Variants in ST3GAL3 observed in about 807,000 individuals in gnomAD.
ST3GAL3 encodes ST3 beta-galactoside alpha-2,3-sialyltransferase 3, also known as CMP-N-acetylneuraminate-beta-1,4-galactoside alpha-2,3-sialyltransferase.
Under a neutral mutation model 50.1 loss-of-function variants are expected in ST3GAL3, and 21 were observed. The observed-to-expected ratio is 0.42, with a 90% CI of 0.30 to 0.60. ST3GAL3 has a LOEUF of 0.60. Among genes scored for constraint, ST3GAL3 ranks in the 20% least tolerant of loss-of-function variants. ST3GAL3 has a pLI of 0.19. For synonymous variants in ST3GAL3, 183 were observed against 190.0 expected (o/e 0.96, Z 0.30); for missense variants, 353 against 489.4 (o/e 0.72, Z 2.63).
At chr1:43,850,669 C>A in intron 5 of ST3GAL3, 1 of 725,000 alleles carries the variant, frequency 1.4e-6, no homozygotes, top group South Asian at 1.5e-5. Flanking sequence ...TGGAGATCCA[C>A]GAGGATCAAA....
At chr1:43,778,585 G>A (rs1402123470) in intron 2 of ST3GAL3, among the ~76,000 whole-genome samples, 1 of 150,476 alleles carries the variant, frequency 6.6e-6, no homozygotes, top group Non-Finnish European at 1.5e-5. Context: ...TGAGTATTTA[G>A]TAAGATATTC....
chr1:43,708,582 T>G (rs548211607), intron 1 of ST3GAL3, among the ~76,000 whole-genome samples: 9 of 152,222 alleles, frequency 5.9e-5, no homozygotes, highest in Non-Finnish European at 1.3e-4. Context: ...AGATGATCAC[T>G]GAAATGTTTG....
rs559374919 is a variant in ST3GAL3, at chr1:43,902,343, T to C, written c.744+2616T>C. Among the ~76,000 whole-genome samples the C allele has an allele frequency of 1.6e-3, 241 of 152,292 alleles. 1 individual carries two copies. Among genetic ancestry groups the C allele is most frequent in the Non-Finnish European group, 6.3e-4 (43 of 68,030 alleles). On this transcript the variant is annotated intron_variant, in intron 9 of 11. Transcript: ENST00000347631. ...GTCACAGCTGCTTCCTGCCACTTAC[T>C]ACATGAGGAGTCTTTTAAAGCCTGT...
intron 1 of ST3GAL3, among the ~76,000 whole-genome samples, chr1:43,733,589 T>A (rs770468533): frequency 1.3e-5 from 2 of 152,246 alleles, no homozygotes; most frequent in African/African-American, 2.4e-5. Flanking sequence ...TGCCAGTACC[T>A]ATCTACCTTA....
chr1:43,856,943 ATT>A (rs1209461054), intron 5 of ST3GAL3, among the ~76,000 whole-genome samples: 1 of 146,916 alleles, frequency 6.8e-6, no homozygotes, highest in African/African-American at 2.5e-5. Flanking sequence ...AAGTTGTGGG[ATT>A]TTTTTTTTTT....
intron 2 of ST3GAL3, among the ~76,000 whole-genome samples, chr1:43,779,421 C>T (rs1698603308): frequency 6.6e-6 from 1 of 152,194 alleles, no homozygotes; most frequent in Non-Finnish European, 1.5e-5. Context: ...GTTTACAGGG[C>T]TTGTTCCCAA....
intron 2 of ST3GAL3, chr1:43,738,494 T>A: frequency 6.6e-6 from 1 of 151,036 alleles, no homozygotes; most frequent in Non-Finnish European, 1.5e-5. Context: ...TCCTCTTTGT[T>A]TTTTTTTTGT....
chr1:43,760,689 G>A (rs1216421874), intron 2 of ST3GAL3, among the ~76,000 whole-genome samples: 1 of 152,110 alleles, frequency 6.6e-6, no homozygotes, highest in African/African-American at 2.4e-5. Flanking sequence ...TCGGGAGGTG[G>A]AGGTTGCAGT....
At position 43,816,030 on chromosome 1, in the gene ST3GAL3, A is replaced by G. The variant is rs115108675; in HGVS notation, c.209+1097A>G. Among the ~76,000 whole-genome samples, 528 of 152,228 alleles carry G rather than the reference A, an allele frequency of 3.5e-3. 5 individuals are homozygous for G. The highest frequency in any genetic ancestry group is 0.012 in the African/African-American group (511 of 41,532). Reference sequence around the variant, plus strand: ...TTCATGTCCCTGCAAGCCTGCTCACATGGCCGATGCTCAATAAATCCTTGC... The same window carrying G: ...TTCATGTCCCTGCAAGCCTGCTCACGTGGCCGATGCTCAATAAATCCTTGC... On this transcript the variant is annotated intron_variant, in intron 4 of 11. Transcript: ENST00000347631.
chr1:43,828,754 G>A (rs1458558426), intron 4 of ST3GAL3, among the ~76,000 whole-genome samples: 1 of 152,138 alleles, frequency 6.6e-6, no homozygotes, highest in African/African-American at 2.4e-5. Context: ...AAACCTGACA[G>A]TCTCAAATGC....
At chr1:43,873,791 AAAATAAATAAAT>A (rs754298933) in intron 5 of ST3GAL3, among the ~76,000 whole-genome samples, 1 of 151,986 alleles carries the variant, frequency 6.6e-6, no homozygotes, top group Admixed American at 6.6e-5. Context: ...ATTCTGTCTC[AAAATAAATAAAT>A]AAATAAATAA....
Position 43,762,529 on chromosome 1 carries a change from T to TG in ST3GAL3, c.118+26154dup, listed in dbSNP as rs754346851. Among the ~76,000 whole-genome samples the TG allele has an allele frequency of 8.5e-4, 130 of 152,214 alleles. 1 individual carries two copies. Among genetic ancestry groups the TG allele is most frequent in the Middle Eastern group, 3.4e-3 (1 of 294 alleles). ...AATTCAACTATAGGTTGAAAAGTGTTGGGGGCCACAGTTTTATCTCCTGTG... is the reference window on the plus strand; with the variant it reads ...AATTCAACTATAGGTTGAAAAGTGTTGGGGGGCCACAGTTTTATCTCCTGTG... On this transcript the variant is annotated intron_variant, in intron 2 of 11. Transcript: ENST00000347631.
chr1:43,841,740 T>G (rs1027389362), intron 5 of ST3GAL3: 9 of 152,254 alleles, frequency 5.9e-5, no homozygotes, highest in African/African-American at 2.2e-4. Flanking sequence ...TTTTTAGTTA[T>G]GCAAATGTCT....
rs777609078 is a variant in ST3GAL3, at chr1:43,920,827, G to T, written c.937G>T (p.Gly313Cys). The T allele has an allele frequency of 6.2e-7, 1 of 1,614,098 alleles. No homozygotes were observed. Among genetic ancestry groups the T allele is most frequent in the African/African-American group, 1.3e-5 (1 of 75,018 alleles). Residue 313 changes from glycine (G) to cysteine (C), a missense_variant, in exon 11 of 12, where the codon GGC becomes TGC. Transcript: ENST00000347631. ...GSVAVTMALH[G>C]CDEVAVAGFG... is the part of the protein sequence containing the mutation. Reference sequence around the variant, plus strand: ...TGTGGCAGTGACCATGGCACTACACGGCTGTGACGAGGTGGCAGTCGCAGG... The same window carrying T: ...TGTGGCAGTGACCATGGCACTACACTGCTGTGACGAGGTGGCAGTCGCAGG...
At chr1:43,893,860 C>A (rs2076991306) in intron 5 of ST3GAL3, among the ~76,000 whole-genome samples, 1 of 152,176 alleles carries the variant, frequency 6.6e-6, no homozygotes, top group South Asian at 2.1e-4. Context: ...TACCAAACTT[C>A]TGTCTCCTGT....
chr1:43,752,533 C>G (rs1686558635), intron 2 of ST3GAL3, among the ~76,000 whole-genome samples: 1 of 152,054 alleles, frequency 6.6e-6, no homozygotes, highest in Admixed American at 6.6e-5. Flanking sequence ...CAGGGTCTCG[C>G]TCTGTGTCCC....
chr1:43,910,468 T>G (rs1023427516), intron 9 of ST3GAL3, among the ~76,000 whole-genome samples: 1 of 152,236 alleles, frequency 6.6e-6, no homozygotes, highest in African/African-American at 2.4e-5. Flanking sequence ...TATTCTGCTA[T>G]AAGAACTAGT....
chr1:43,929,207 G>T (rs750517396), intron 11 of ST3GAL3, among the ~76,000 whole-genome samples: 13 of 152,018 alleles, frequency 8.6e-5, no homozygotes, highest in Non-Finnish European at 1.8e-4. Context: ...AGGTGAGGTT[G>T]GCTTGATTTA....
intron 9 of ST3GAL3, among the ~76,000 whole-genome samples, chr1:43,907,651 A>G (rs986044285): frequency 1.3e-5 from 2 of 151,766 alleles, no homozygotes; most frequent in African/African-American, 4.8e-5. Flanking sequence ...TTCCTCCTCT[A>G]CCATCCCTCC....
Sources: gnomAD v4.1 joint callset for allele counts (sites outside exome capture counted in the v4.1 genomes callset) on GRCh38, gnomAD v4.1.1 for gene constraint, MANE v1.5 for transcripts, NCBI Gene and HGNC (gene_info 2026-07-23, HGNC 2026-07-21) for gene names.